LRRC4C: variants seen among roughly 807,000 people sequenced by gnomAD.
LRRC4C encodes leucine rich repeat containing 4C.
Under a neutral mutation model 33.6 loss-of-function variants are expected in LRRC4C, and 5 were observed. The observed-to-expected ratio is 0.15, with a 90% CI of 0.08 to 0.31. The LOEUF is 0.31. LRRC4C is among the 10% of genes least tolerant of loss of function. The pLI is 1.00. For synonymous variants in LRRC4C, 329 were observed against 302.0 expected (o/e 1.09, Z -0.93); for missense variants, 560 against 796.7 (o/e 0.70, Z 3.58).
chr11:41,439,142 T>C (rs902231081), intron 1 of LRRC4C, among the ~76,000 whole-genome samples: 28 of 152,154 alleles, frequency 1.8e-4, no homozygotes, highest in Non-Finnish European at 3.7e-4. Flanking sequence ...CCCTTGTAAA[T>C]TCCTGATTCA....
In LRRC4C at chr11:41,240,779, G is replaced by T. The variant is rs551789808; in HGVS notation, c.-496+218652C>A. ...GTAGGATATGCGTGGTGTGATTGTTGCAGAGAAGCACTTTCATTAAATTGA... is the reference window on the plus strand; with the variant it reads ...GTAGGATATGCGTGGTGTGATTGTTTCAGAGAAGCACTTTCATTAAATTGA... On this transcript the variant is annotated intron_variant, in intron 1 of 6. Transcript: ENST00000528697. 4.1e-4 allele frequency among the ~76,000 whole-genome samples: 63 copies of T among 152,204 alleles called. 1 individual carries two copies. The highest frequency in any genetic ancestry group is 1.4e-3 in the African/African-American group (57 of 41,562).
intron 1 of LRRC4C, among the ~76,000 whole-genome samples, chr11:40,946,152 C>T (rs537811997): frequency 1.1e-4 from 17 of 152,142 alleles, no homozygotes; most frequent in African/African-American, 3.9e-4. Flanking sequence ...GAGTACTCAA[C>T]GTTTAGCTCC....
In LRRC4C at chr11:41,191,436, C is replaced by A. The variant is rs561721561; in HGVS notation, c.-495-257713G>T. ...CTTCAACTACCAATTTAACTAAACTCATCTGTCTTTCAGCCTGTTGGTCAT... is the reference window on the plus strand; with the variant it reads ...CTTCAACTACCAATTTAACTAAACTAATCTGTCTTTCAGCCTGTTGGTCAT... On this transcript the variant is annotated intron_variant, in intron 1 of 6. Transcript: ENST00000528697. 3.9e-4 allele frequency among the ~76,000 whole-genome samples: 59 copies of A among 152,270 alleles called. 1 individual carries two copies. In the South Asian group the frequency reaches 0.011, roughly 29 times the overall value.
chr11:40,309,945 G>C (rs1378277168), intron 4 of LRRC4C, among the ~76,000 whole-genome samples: 3 of 152,162 alleles, frequency 2.0e-5, no homozygotes, highest in African/African-American at 7.2e-5. Context: ...CTTCCCTCCT[G>C]CTGGCCCTGC....
At chr11:41,218,716 A>G (rs959399570) in intron 1 of LRRC4C, among the ~76,000 whole-genome samples, 1 of 151,490 alleles carries the variant, frequency 6.6e-6, no homozygotes, top group African/African-American at 2.4e-5. Flanking sequence ...TCAACATATT[A>G]CTATTACCCC....
chr11:40,593,913 A>T (rs1368771184), intron 3 of LRRC4C, among the ~76,000 whole-genome samples: 2 of 152,218 alleles, frequency 1.3e-5, no homozygotes, highest in Non-Finnish European at 2.9e-5. Flanking sequence ...TAAATCAATG[A>T]TAATTTTAGA....
intron 1 of LRRC4C, among the ~76,000 whole-genome samples, chr11:41,416,455 C>T (rs1868030): frequency 0.25 from 38,300 of 151,952 alleles, 5,991 homozygotes; most frequent in Admixed American, 0.37. Context: ...GGCCTTCTGA[C>T]TTCAGCTTTT....
In LRRC4C at chr11:40,495,813, GTTTTTT is replaced by G. The variant is rs77683172; in HGVS notation, c.-270+152323_-270+152328del. Among the ~76,000 whole-genome samples, 387 of 67,008 alleles carry G rather than the reference GTTTTTT, an allele frequency of 5.8e-3. 25 individuals are homozygous for G. The highest frequency in any genetic ancestry group is 0.013 in the African/African-American group (198 of 15,810). 44.0% of individuals were successfully genotyped at this position (67,008 alleles called of 152,430 possible). On this transcript the variant is annotated intron_variant, in intron 3 of 6. Transcript: ENST00000528697. The stretch of plus-strand genomic sequence containing the variant: ...TTTTATTGAAGTTCTCAATAAACAT[GTTTTTT>G]TTTTTTTTTTTTTTTTTTTTTTTTT...
chr11:40,616,778 C>A (rs1961883130), intron 3 of LRRC4C, among the ~76,000 whole-genome samples: 1 of 151,484 alleles, frequency 6.6e-6, no homozygotes, highest in African/African-American at 2.4e-5. Context: ...GGGGAGCGGG[C>A]AGTGATAGCA....
intron 3 of LRRC4C, among the ~76,000 whole-genome samples, chr11:40,384,511 A>T (rs1409279750): frequency 6.6e-6 from 1 of 152,186 alleles, no homozygotes; most frequent in Non-Finnish European, 1.5e-5. Flanking sequence ...TGTACCTAAC[A>T]TATAGCAGAA....
chr11:40,722,617 A>G (rs922584015), intron 2 of LRRC4C, among the ~76,000 whole-genome samples: 5 of 152,170 alleles, frequency 3.3e-5, no homozygotes, highest in Admixed American at 1.3e-4. Context: ...CTGACTGACA[A>G]CAAATTTAAA....
chr11:41,231,269 T>C (rs1947780725), intron 1 of LRRC4C, among the ~76,000 whole-genome samples: 1 of 152,108 alleles, frequency 6.6e-6, no homozygotes, highest in Non-Finnish European at 1.5e-5. Flanking sequence ...ACTGGGTATA[T>C]ACCCAAAGGA....
intron 2 of LRRC4C, among the ~76,000 whole-genome samples, chr11:40,899,912 T>C (rs971701371): frequency 1.3e-4 from 20 of 152,170 alleles, no homozygotes; most frequent in Non-Finnish European, 2.5e-4. Flanking sequence ...CCTTTTATAG[T>C]CAAAAATTAA....
chr11:40,423,530 G>C (rs12785866), intron 3 of LRRC4C, among the ~76,000 whole-genome samples: 1 of 151,794 alleles, frequency 6.6e-6, no homozygotes, highest in African/African-American at 2.4e-5. Context: ...ATTTTTAGTA[G>C]AGACGGGGTT....
intron 3 of LRRC4C, among the ~76,000 whole-genome samples, chr11:40,513,662 G>C (rs939887671): frequency 6.6e-6 from 1 of 152,066 alleles, no homozygotes; most frequent in African/African-American, 2.4e-5. Flanking sequence ...GGATTAGAAG[G>C]GGTGCATAGA....
intron 1 of LRRC4C, among the ~76,000 whole-genome samples, chr11:41,084,872 CA>C (rs922888451): frequency 5.6e-4 from 85 of 151,646 alleles, no homozygotes; most frequent in African/African-American, 2.0e-3. Flanking sequence ...ACAAACAAAC[CA>C]AAAAAAATTC....
At chr11:40,347,830 A>G (rs1000974468) in intron 3 of LRRC4C, among the ~76,000 whole-genome samples, 1 of 151,904 alleles carries the variant, frequency 6.6e-6, no homozygotes, top group African/African-American at 2.4e-5. Context: ...CTGGCCTCAG[A>G]CTCCCAACCT....
chr11:40,840,866 G>T (rs1031695869), intron 2 of LRRC4C, among the ~76,000 whole-genome samples: 3 of 152,108 alleles, frequency 2.0e-5, no homozygotes, highest in Admixed American at 1.3e-4. Context: ...TATATGCTCT[G>T]GGAACCAAAT....
intron 1 of LRRC4C, among the ~76,000 whole-genome samples, chr11:40,940,377 A>G (rs1294856482): frequency 1.3e-5 from 2 of 152,154 alleles, no homozygotes; most frequent in African/African-American, 4.8e-5. Flanking sequence ...GCGGGAAACA[A>G]TGTATGATGG....
Sources: gnomAD v4.1 joint callset for allele counts (sites outside exome capture counted in the v4.1 genomes callset) on GRCh38, gnomAD v4.1.1 for gene constraint, MANE v1.5 for transcripts, NCBI Gene and HGNC (gene_info 2026-07-23, HGNC 2026-07-21) for gene names.